Variants in ADAM10 observed in about 807,000 individuals in gnomAD.
The protein encoded by ADAM10 is disintegrin and metalloproteinase domain-containing protein 10.
In ADAM10, 17 loss-of-function variants were observed where a neutral mutation model predicts 90.1. The observed-to-expected ratio is 0.19, with a 90% CI of 0.13 to 0.28. The LOEUF (loss-of-function observed/expected upper bound fraction) is 0.28. Among genes scored for constraint, ADAM10 ranks in the 10% least tolerant of loss-of-function variants. The pLI, the probability that ADAM10 is intolerant of heterozygous loss-of-function variation, is 1.00. For missense variants in ADAM10, 610 were observed against 914.3 expected, an observed-to-expected ratio of 0.67 and a Z score of 4.29; for synonymous variants, 310 against 298.6, an observed-to-expected ratio of 1.04 and a Z score of -0.40.
intron 4 of ADAM10, among the ~76,000 whole-genome samples, chr15:58,667,394 C>T (rs751795248): frequency 1.3e-5 from 2 of 152,118 alleles, no homozygotes; most frequent in Non-Finnish European, 2.9e-5. Flanking sequence ...GCATAAAATA[C>T]TCACTTTTTG....
At chr15:58,600,871 C>T (rs1895088805) in intron 14 of ADAM10, among the ~76,000 whole-genome samples, 1 of 152,082 alleles carries the variant, frequency 6.6e-6, no homozygotes, top group African/African-American at 2.4e-5. Context: ...TAGTTTCCAG[C>T]AAAACTCCCA....
At position 58,724,893 on chromosome 15, in the gene ADAM10, T is replaced by C. The variant is rs559074834; in HGVS notation, c.56-7166A>G. 1.8e-3 allele frequency among the ~76,000 whole-genome samples: 276 copies of C among 151,946 alleles called. 4 individuals are homozygous for C. Among genetic ancestry groups the C allele is most frequent in the Middle Eastern group, 6.8e-3 (2 of 294 alleles). On this transcript the variant is annotated intron_variant, in intron 1 of 15. Transcript: ENST00000260408. ...GAAAAATAACACCTTACTAGTGGAG[T>C]GAAATTAGCCACAGAGCCTGGGCAC...
chr15:58,643,775 A>G (rs1896475357), intron 7 of ADAM10, 111 bp downstream of exon 7: 3 of 866,804 alleles, frequency 3.5e-6, no homozygotes, highest in East Asian at 2.6e-5. Context: ...CAATTAAACT[A>G]AACTACTTAA....
chr15:58,743,030 C>T (rs958910570), intron 1 of ADAM10, among the ~76,000 whole-genome samples: 5 of 152,084 alleles, frequency 3.3e-5, no homozygotes, highest in African/African-American at 1.2e-4. Context: ...TGTACTTCAA[C>T]CTGGGCAACA....
At chr15:58,606,110 T>C (rs1428153778) in intron 14 of ADAM10, among the ~76,000 whole-genome samples, 1 of 152,158 alleles carries the variant, frequency 6.6e-6, no homozygotes, top group Non-Finnish European at 1.5e-5. Context: ...TCTCAGCAAA[T>C]GCATTCTGGA....
chr15:58,683,516 T>A (rs1429305097), intron 2 of ADAM10, among the ~76,000 whole-genome samples: 1 of 152,150 alleles, frequency 6.6e-6, no homozygotes, highest in Non-Finnish European at 1.5e-5. Context: ...TTACATATAC[T>A]TGCATGTAAG....
intron 1 of ADAM10, among the ~76,000 whole-genome samples, chr15:58,744,528 T>G (rs1899723262): frequency 6.6e-6 from 1 of 151,548 alleles, no homozygotes; most frequent in Admixed American, 6.6e-5. Flanking sequence ...TTTAGAAAAA[T>G]AATAAACTAC....
At chr15:58,616,995 G>T (rs1156855858) in intron 11 of ADAM10, among the ~76,000 whole-genome samples, 1 of 152,128 alleles carries the variant, frequency 6.6e-6, no homozygotes, top group African/African-American at 2.4e-5. Context: ...TGTAGTCCCA[G>T]CTATTCCGGA....
chr15:58,708,974 A>T (rs147401063), intron 2 of ADAM10, among the ~76,000 whole-genome samples: 105 of 152,326 alleles, frequency 6.9e-4, no homozygotes, highest in African/African-American at 2.5e-3. Flanking sequence ...ATCTAAAAGG[A>T]ACTGTATATA....
chr15:58,642,691 C>G (rs1896449046), intron 7 of ADAM10, among the ~76,000 whole-genome samples: 1 of 152,162 alleles, frequency 6.6e-6, no homozygotes, highest in Non-Finnish European at 1.5e-5. Context: ...AAAGGTGCGT[C>G]ACTAAAATGT....
At chr15:58,640,070 C>T (rs1896374772) in intron 8 of ADAM10, among the ~76,000 whole-genome samples, 1 of 152,154 alleles carries the variant, frequency 6.6e-6, no homozygotes, top group Non-Finnish European at 1.5e-5. Flanking sequence ...GGCAACTGAA[C>T]TTATACAGTA....
At chr15:58,703,636 G>T (rs1187987899) in intron 2 of ADAM10, among the ~76,000 whole-genome samples, 1 of 152,152 alleles carries the variant, frequency 6.6e-6, no homozygotes, top group Admixed American at 6.5e-5. Context: ...GAGTGACATG[G>T]TTTGGCTCTG....
chr15:58,680,521 G>A (rs911855567), intron 3 of ADAM10, among the ~76,000 whole-genome samples: 5 of 152,160 alleles, frequency 3.3e-5, no homozygotes. Context: ...ACAAAGATTT[G>A]TAATACTATC....
At chr15:58,621,399 G>C in intron 11 of ADAM10, 72 bp downstream of exon 11, 1 of 1,578,220 alleles carries the variant, frequency 6.3e-7, no homozygotes, top group Non-Finnish European at 8.7e-7. Flanking sequence ...CTTAATCTCA[G>C]TTTTAAATTT....
At chr15:58,657,422 T>C (rs1359958280) in intron 5 of ADAM10, among the ~76,000 whole-genome samples, 1 of 152,194 alleles carries the variant, frequency 6.6e-6, no homozygotes, top group Non-Finnish European at 1.5e-5. Context: ...CATTTTCAAA[T>C]AGCCTGTCTT....
chr15:58,601,226 C>T (rs1346566547), intron 14 of ADAM10, among the ~76,000 whole-genome samples: 1 of 152,068 alleles, frequency 6.6e-6, no homozygotes, highest in Non-Finnish European at 1.5e-5. Flanking sequence ...CTTTGGGAGG[C>T]CGGGGCGGGT....
intron 2 of ADAM10, among the ~76,000 whole-genome samples, chr15:58,687,271 G>A (rs749424380): frequency 2.0e-5 from 3 of 152,172 alleles, no homozygotes; most frequent in East Asian, 1.9e-4. Flanking sequence ...CTGCCCCATC[G>A]TGTATATAAA....
chr15:58,643,036 C>A (rs1896456510), intron 7 of ADAM10, among the ~76,000 whole-genome samples: 1 of 151,976 alleles, frequency 6.6e-6, no homozygotes, highest in Non-Finnish European at 1.5e-5. Context: ...TATTAAGGAA[C>A]CCTGTGGCAA....
intron 1 of ADAM10, among the ~76,000 whole-genome samples, chr15:58,741,546 C>A (rs1179520700): frequency 6.6e-6 from 1 of 152,216 alleles, no homozygotes; most frequent in Non-Finnish European, 1.5e-5. Context: ...TCTATCCAGA[C>A]TCAAAATCTT....
Sources: gnomAD v4.1 joint callset for allele counts (sites outside exome capture counted in the v4.1 genomes callset) on GRCh38, gnomAD v4.1.1 for gene constraint, MANE v1.5 for transcripts, NCBI Gene and HGNC (gene_info 2026-07-23, HGNC 2026-07-21) for gene names.